Variants in LRRC4C observed in about 807,000 individuals in gnomAD.
LRRC4C encodes leucine-rich repeat-containing protein 4C.
In LRRC4C, 5 loss-of-function variants were observed where a neutral mutation model predicts 33.6. The observed-to-expected ratio is 0.15, with a 90% CI of 0.08 to 0.31. The LOEUF is 0.31. LRRC4C is among the 10% of genes least tolerant of loss of function. LRRC4C has a pLI of 1.00. For synonymous variants in LRRC4C, 329 were observed against 302.0 expected, an observed-to-expected ratio of 1.09 and a Z score of -0.93; for missense variants, 560 against 796.7, an observed-to-expected ratio of 0.70 and a Z score of 3.58.
intron 1 of LRRC4C, among the ~76,000 whole-genome samples, chr11:41,009,373 T>C (rs1051597029): frequency 1.3e-5 from 2 of 152,012 alleles, no homozygotes; most frequent in Non-Finnish European, 2.9e-5. Context: ...TCTGAGATGG[T>C]AACTAAATGC....
chr11:40,149,105 T>C (rs1017877758), intron 5 of LRRC4C, among the ~76,000 whole-genome samples: 6 of 152,200 alleles, frequency 3.9e-5, no homozygotes, highest in African/African-American at 1.4e-4. Flanking sequence ...TGAAGTTGGG[T>C]AGTGTGATGT....
chr11:41,372,801 AAAG>A (rs1952801088), intron 1 of LRRC4C, among the ~76,000 whole-genome samples: 2 of 151,742 alleles, frequency 1.3e-5, no homozygotes, highest in African/African-American at 4.8e-5. Context: ...AAAAAAAAAA[AAAG>A]AGTAACAGAG....
At chr11:41,208,068 A>T (rs566363404) in intron 1 of LRRC4C, among the ~76,000 whole-genome samples, 13 of 152,302 alleles carry the variant, frequency 8.5e-5, no homozygotes, top group African/African-American at 3.1e-4. Context: ...ACCTTAGAGA[A>T]GACATGTATC....
intron 4 of LRRC4C, among the ~76,000 whole-genome samples, chr11:40,285,548 TG>T (rs1173349997): frequency 6.6e-6 from 1 of 152,218 alleles, no homozygotes; most frequent in East Asian, 1.9e-4. Context: ...TATAACATTT[TG>T]CAAAATCTTT....
chr11:40,770,058 A>G (rs1199083536), intron 2 of LRRC4C, among the ~76,000 whole-genome samples: 1 of 152,202 alleles, frequency 6.6e-6, no homozygotes, highest in Non-Finnish European at 1.5e-5. Flanking sequence ...CAATAATCAA[A>G]GTGAAGAAGA....
chr11:40,690,225 T>TA, intron 2 of LRRC4C, among the ~76,000 whole-genome samples: 1 of 152,248 alleles, frequency 6.6e-6, no homozygotes, highest in East Asian at 1.9e-4. Flanking sequence ...GTTTTTCACG[T>TA]ACTTTATTAA....
intron 1 of LRRC4C, among the ~76,000 whole-genome samples, chr11:41,319,327 CT>C (rs1329061985): frequency 6.6e-6 from 1 of 152,112 alleles, no homozygotes; most frequent in Non-Finnish European, 1.5e-5. Context: ...GGGGTGACCA[CT>C]GGAAAATCAA....
intron 3 of LRRC4C, among the ~76,000 whole-genome samples, chr11:40,581,078 T>A (rs577650912): frequency 6.6e-6 from 1 of 152,254 alleles, no homozygotes; most frequent in African/African-American, 2.4e-5. Flanking sequence ...TTGTTTTTAT[T>A]CCTTTGACTG....
At chr11:40,153,205 T>C (rs993676588) in intron 5 of LRRC4C, among the ~76,000 whole-genome samples, 7 of 152,044 alleles carry the variant, frequency 4.6e-5, no homozygotes. Context: ...TCACTGCAGT[T>C]TGGCTCACAG....
At chr11:41,119,237 T>C (rs1942300378) in intron 1 of LRRC4C, among the ~76,000 whole-genome samples, 1 of 152,174 alleles carries the variant, frequency 6.6e-6, no homozygotes, top group Admixed American at 6.6e-5. Flanking sequence ...TTTAAATTAT[T>C]TTAATTTTCA....
intron 6 of LRRC4C, among the ~76,000 whole-genome samples, chr11:40,130,087 A>C (rs1269056604): frequency 6.6e-6 from 1 of 152,110 alleles, no homozygotes; most frequent in Non-Finnish European, 1.5e-5. Context: ...TTGTTTCTCA[A>C]ATTATAGGGT....
chr11:41,175,271 C>G (rs1279914360), intron 1 of LRRC4C, among the ~76,000 whole-genome samples: 1 of 152,118 alleles, frequency 6.6e-6, no homozygotes, highest in Non-Finnish European at 1.5e-5. Context: ...CCAATATAGT[C>G]TATCAAAAAG....
intron 5 of LRRC4C, among the ~76,000 whole-genome samples, chr11:40,200,784 A>AAAAAAAAG (rs71060946): frequency 0.015 from 1,157 of 78,380 alleles, 61 homozygotes; most frequent in African/African-American, 0.032. Context: ...AAAAAAAAAA[A>AAAAAAAAG]AAAAGAAAAG....
At chr11:40,456,898 G>A (rs913034155) in intron 3 of LRRC4C, among the ~76,000 whole-genome samples, 2 of 141,430 alleles carry the variant, frequency 1.4e-5, no homozygotes, top group Non-Finnish European at 1.5e-5. Flanking sequence ...AGGGCGGGAG[G>A]GGAAAAGGAA....
At chr11:40,261,089 C>G (rs1867674657) in intron 4 of LRRC4C, among the ~76,000 whole-genome samples, 1 of 151,964 alleles carries the variant, frequency 6.6e-6, no homozygotes, top group Non-Finnish European at 1.5e-5. Context: ...CTATGTTGCC[C>G]AGGCTGGTAT....
intron 3 of LRRC4C, among the ~76,000 whole-genome samples, chr11:40,566,469 T>C (rs1290428273): frequency 6.6e-6 from 1 of 152,122 alleles, no homozygotes; most frequent in African/African-American, 2.4e-5. Flanking sequence ...GAGGGTGATG[T>C]GATCTATAAC....
At chr11:40,647,480 A>G (rs1320741918) in intron 3 of LRRC4C, among the ~76,000 whole-genome samples, 1 of 152,158 alleles carries the variant, frequency 6.6e-6, no homozygotes, top group Non-Finnish European at 1.5e-5. Context: ...ACAATTATTA[A>G]CTACAGAGGA....
At chr11:40,187,466 G>A (rs901213580) in intron 5 of LRRC4C, among the ~76,000 whole-genome samples, 3 of 151,784 alleles carry the variant, frequency 2.0e-5, no homozygotes, top group Non-Finnish European at 2.9e-5. Context: ...TATCAGATAG[G>A]GAAAATGGGA....
intron 1 of LRRC4C, among the ~76,000 whole-genome samples, chr11:41,054,218 T>C (rs1209867273): frequency 6.6e-6 from 1 of 152,152 alleles, no homozygotes; most frequent in East Asian, 1.9e-4. Context: ...GACTTTTAAT[T>C]AGAATGGAGA....
Sources: gnomAD v4.1 joint callset for allele counts (sites outside exome capture counted in the v4.1 genomes callset) on GRCh38, gnomAD v4.1.1 for gene constraint, MANE v1.5 for transcripts, NCBI Gene and HGNC (gene_info 2026-07-23, HGNC 2026-07-21) for gene names.